CSMD2: variants seen among roughly 807,000 people sequenced by gnomAD.
The protein encoded by CSMD2 is CUB and sushi domain-containing protein 2.
CSMD2 carries 130 observed loss-of-function variants against 398.5 expected under a neutral mutation model. The observed-to-expected ratio is 0.33, with a 90% CI of 0.28 to 0.38. CSMD2 has a LOEUF of 0.38. Ranked by LOEUF, CSMD2 falls within the 10% of genes least tolerant of loss-of-function variation. CSMD2 has a pLI of 1.00. For missense variants in CSMD2, 3,829 were observed against 4,764.9 expected, an observed-to-expected ratio of 0.80 and a Z score of 5.78; for synonymous variants, 1,828 against 1,908.5, an observed-to-expected ratio of 0.96 and a Z score of 1.10.
At chr1:33,575,869 T>G (rs1479091149) in intron 49 of CSMD2, among the ~76,000 whole-genome samples, 1 of 152,154 alleles carries the variant, frequency 6.6e-6, no homozygotes, top group Non-Finnish European at 1.5e-5. Context: ...TTGTGAGGAT[T>G]AGAGATGAGA....
intron 1 of CSMD2, among the ~76,000 whole-genome samples, chr1:34,155,239 A>C (rs969648453): frequency 6.6e-6 from 1 of 152,230 alleles, no homozygotes; most frequent in Non-Finnish European, 1.5e-5. Context: ...GGGTGCAGAA[A>C]ACAGAAAACG....
intron 44 of CSMD2, among the ~76,000 whole-genome samples, chr1:33,595,472 T>G (rs534365902): frequency 1.6e-4 from 24 of 152,300 alleles, no homozygotes; most frequent in Non-Finnish European, 2.4e-4. Flanking sequence ...GTTATTATTG[T>G]GTGTGGAGTG....
At chr1:33,939,255 T>C (rs1166253487) in intron 3 of CSMD2, among the ~76,000 whole-genome samples, 3 of 151,990 alleles carry the variant, frequency 2.0e-5, no homozygotes, top group African/African-American at 7.3e-5. Flanking sequence ...TTTAGCATCT[T>C]CTATGATCAG....
chr1:33,971,371 C>T (rs943675560), intron 3 of CSMD2, among the ~76,000 whole-genome samples: 3 of 152,236 alleles, frequency 2.0e-5, no homozygotes, highest in Admixed American at 6.5e-5. Context: ...AATCTTCCTC[C>T]GGCCTTATGG....
chr1:33,610,967 G>T, intron 41 of CSMD2, 74 bp downstream of exon 41: 1 of 1,415,802 alleles, frequency 7.1e-7, no homozygotes, highest in Non-Finnish European at 9.9e-7. Flanking sequence ...CCACATGGAA[G>T]GCTGGGAAGG....
At chr1:33,824,083 T>C (rs1658503436) in intron 7 of CSMD2, among the ~76,000 whole-genome samples, 4 of 152,158 alleles carry the variant, frequency 2.6e-5, no homozygotes, top group Admixed American at 2.6e-4. Context: ...ATGTGAAAAC[T>C]GAAACATTAG....
intron 53 of CSMD2, among the ~76,000 whole-genome samples, chr1:33,561,603 AG>A (rs756229557): frequency 6.6e-6 from 1 of 152,208 alleles, no homozygotes; most frequent in Non-Finnish European, 1.5e-5. Flanking sequence ...ACAGACTTGT[AG>A]GAGGGCAGGC....
At chr1:34,100,835 C>T (rs533822067) in intron 1 of CSMD2, among the ~76,000 whole-genome samples, 3 of 152,246 alleles carry the variant, frequency 2.0e-5, no homozygotes, top group Non-Finnish European at 2.9e-5. Flanking sequence ...AATGCCTTTC[C>T]ACGGCCAGAG....
intron 2 of CSMD2, among the ~76,000 whole-genome samples, chr1:34,052,025 G>C (rs549135156): frequency 6.6e-6 from 1 of 151,972 alleles, no homozygotes; most frequent in Non-Finnish European, 1.5e-5. Flanking sequence ...GTCTTCAACC[G>C]GGGGTATTGG....
chr1:33,894,249 T>G (rs1642232244), intron 5 of CSMD2, among the ~76,000 whole-genome samples: 1 of 152,108 alleles, frequency 6.6e-6, no homozygotes, highest in South Asian at 2.1e-4. Context: ...TCAGTAACAC[T>G]GCCTTTTGAT....
chr1:33,851,973 G>A (rs925242132), intron 5 of CSMD2, among the ~76,000 whole-genome samples: 1 of 151,996 alleles, frequency 6.6e-6, no homozygotes, highest in Non-Finnish European at 1.5e-5. Context: ...GGACAGCTCT[G>A]AAAGATCTGA....
intron 44 of CSMD2, among the ~76,000 whole-genome samples, chr1:33,590,981 C>CTTTTTTTTTTTTTT (rs11374822): frequency 4.5e-5 from 3 of 67,170 alleles, no homozygotes; most frequent in Admixed American, 2.1e-4. Context: ...TTTTATTTAT[C>CTTTTTTTTTTTTTT]TTTTTTTTTT....
chr1:33,778,967 G>A (rs568881760), intron 12 of CSMD2, among the ~76,000 whole-genome samples: 4 of 152,142 alleles, frequency 2.6e-5, no homozygotes, highest in South Asian at 2.1e-4. Flanking sequence ...TATCCACCCC[G>A]TCTCTCCCTG....
chr1:33,955,273 G>A (rs1463764262), intron 3 of CSMD2, among the ~76,000 whole-genome samples: 1 of 152,204 alleles, frequency 6.6e-6, no homozygotes, highest in African/African-American at 2.4e-5. Flanking sequence ...TGAGTGGGGC[G>A]GGGTGGGAGT....
At position 33,580,917 on chromosome 1, in the gene CSMD2, C is replaced by T; in HGVS notation, c.7241-18G>A. ...TGATGGACCTGGGGTGAGAAGGACG[C>T]AGGATTACAGACCATGGGAGCCATC... On this transcript the variant is annotated intron_variant, in intron 47 of 70. Transcript: ENST00000373381. The T allele has an allele frequency of 6.2e-7, 1 of 1,613,088 alleles. No individual in the cohort carries two copies.
At chr1:33,921,146 C>T (rs72665713) in intron 4 of CSMD2, among the ~76,000 whole-genome samples, 74 of 152,274 alleles carry the variant, frequency 4.9e-4, no homozygotes, top group Non-Finnish European at 9.4e-4. Flanking sequence ...TTCTCCTCCC[C>T]TCTTCCTCCT....
At position 33,968,675 on chromosome 1, in the gene CSMD2, T is replaced by C. The variant is rs78183948; in HGVS notation, c.518-32721A>G. Among the ~76,000 whole-genome samples, 1,518 of 152,232 alleles carry C rather than the reference T, an allele frequency of 1.0e-2. 24 individuals carry two copies. Among genetic ancestry groups the C allele is most frequent in the African/African-American group, 0.035 (1,457 of 41,540 alleles). On this transcript the variant is annotated intron_variant, in intron 3 of 70. Coordinates refer to ENST00000373381, the MANE Select transcript of CSMD2 (RefSeq NM_001281956.2). The stretch of plus-strand genomic sequence containing the variant: ...AATGAGCTTGGAATTGAACTCCTCC[T>C]CCAGATGAAAATGCAGCCCCACCAT...
Position 33,537,178 on chromosome 1 carries a change from A to G in CSMD2, c.9806-83T>C. The G allele has an allele frequency of 1.3e-6, 2 of 1,486,400 alleles. No individual in the cohort carries two copies. Among genetic ancestry groups the G allele is most frequent in the Non-Finnish European group, 1.9e-6 (2 of 1,066,338 alleles). 92.1% of individuals were successfully genotyped at this position (1,486,400 alleles called of 1,614,324 possible). On this transcript the variant is annotated intron_variant, in intron 61 of 70. Coordinates refer to ENST00000373381, the MANE Select transcript of CSMD2 (RefSeq NM_001281956.2). The surrounding 1 kb of genome is among the most constrained non-coding windows in gnomAD (Gnocchi z 4.6). ...TCTCACTCTGGGAAATAGGTGTAGAAAAGAAAATGCGGCCACATCCTGACT... is the reference window on the plus strand; with the variant it reads ...TCTCACTCTGGGAAATAGGTGTAGAGAAGAAAATGCGGCCACATCCTGACT...
chr1:34,135,242 TCACACACACACACACA>T (rs66898227), intron 1 of CSMD2, among the ~76,000 whole-genome samples: 12 of 135,604 alleles, frequency 8.8e-5, no homozygotes, highest in East Asian at 8.2e-4. Context: ...CATGTTGAAA[TCACACACACACACACA>T]CACACACACA....
Sources: allele counts gnomAD v4.1 joint callset (sites outside exome capture counted in the v4.1 genomes callset), GRCh38; gene constraint gnomAD v4.1.1; non-coding constraint Gnocchi (gnomAD v3.1); transcripts MANE v1.5; gene names NCBI Gene and HGNC (gene_info 2026-07-23, HGNC 2026-07-21).